The following SLC28A3 variants were observed in gnomAD, a reference collection of about 807,000 sequenced individuals.
SLC28A3 encodes solute carrier family 28 member 3, also known as concentrative Na(+)-nucleoside cotransporter 3.
In SLC28A3, 68 loss-of-function variants were observed where a neutral mutation model predicts 84.2. That is an observed-to-expected ratio of 0.81 (90% confidence interval 0.66 to 0.99). SLC28A3 has a LOEUF of 0.99. Ranked by LOEUF, SLC28A3 falls within the 50% of genes least tolerant of loss-of-function variation. SLC28A3 has a pLI of 0.00. For synonymous variants in SLC28A3, 267 were observed against 303.6 expected, an observed-to-expected ratio of 0.88 and a Z score of 1.25; for missense variants, 712 against 841.5, an observed-to-expected ratio of 0.85 and a Z score of 1.90.
At chr9:84,333,188 G>A (rs192727445) in intron 1 of SLC28A3, among the ~76,000 whole-genome samples, 4 of 152,266 alleles carry the variant, frequency 2.6e-5, no homozygotes, top group South Asian at 2.1e-4. Context: ...TAATACAGAC[G>A]AAATGGGGTA....
At position 84,336,667 on chromosome 9, in the gene SLC28A3, C is replaced by A. The variant is rs147180893; in HGVS notation, c.60+3907G>T. On this transcript the variant is annotated intron_variant, in intron 1 of 17. Transcript: ENST00000376238. ...CTCCAGCATGGGTGACAGAGTGAGA[C>A]CCTGTCTCAAAAAAAAAATCACAAT... 1.4e-3 allele frequency among the ~76,000 whole-genome samples: 206 copies of A among 152,036 alleles called. 2 individuals carry two copies. In the South Asian group the frequency reaches 0.015, roughly 11 times the overall value.
chr9:84,359,754 CT>C, the SLC28A3 span, among the ~76,000 whole-genome samples: 1 of 152,040 alleles, frequency 6.6e-6, no homozygotes, highest in Admixed American at 6.6e-5. Flanking sequence ...AATCCTAGAA[CT>C]TTGGGAGGCT....
intron 12 of SLC28A3, among the ~76,000 whole-genome samples, chr9:84,286,695 TA>T (rs1825004336): frequency 6.6e-6 from 1 of 152,138 alleles, no homozygotes; most frequent in South Asian, 2.1e-4. Context: ...GTATAAAAGC[TA>T]ATGATTCAAA....
chr9:84,356,349 T>C, the SLC28A3 span, among the ~76,000 whole-genome samples: 1 of 152,148 alleles, frequency 6.6e-6, no homozygotes, highest in Admixed American at 6.5e-5. Flanking sequence ...GGCTTCCTCA[T>C]GAACCTGAAA....
Position 84,278,553 on chromosome 9 carries a change from A to G in SLC28A3, c.1950-209T>C, listed in dbSNP as rs554349363. On this transcript the variant is annotated intron_variant, in intron 17 of 17. Transcript: ENST00000376238. Reference sequence around the variant, plus strand: ...CTCAAGAACTTTCCCTATTTCCTCCATAACAAGCAAAGATAGGATAGAATC... The same window carrying G: ...CTCAAGAACTTTCCCTATTTCCTCCGTAACAAGCAAAGATAGGATAGAATC... Among the ~76,000 whole-genome samples, 3 of 152,346 alleles carry G rather than the reference A, an allele frequency of 2.0e-5. No homozygotes were observed. The East Asian group carries it at 5.8e-4, about 29-fold the overall frequency.
the SLC28A3 span, among the ~76,000 whole-genome samples, chr9:84,367,571 T>C: frequency 6.6e-6 from 1 of 152,052 alleles, no homozygotes; most frequent in East Asian, 1.9e-4. Flanking sequence ...ACCCGCACAC[T>C]CAGCATGCGA....
the SLC28A3 span, among the ~76,000 whole-genome samples, chr9:84,348,275 A>G: frequency 1.3e-5 from 2 of 150,564 alleles, no homozygotes; most frequent in Non-Finnish European, 2.9e-5. Flanking sequence ...AATCACTTGA[A>G]CCTGGGAGGT....
At position 84,286,153 on chromosome 9, in the gene SLC28A3, T is replaced by A. The variant is rs369200311; in HGVS notation, c.1281-42A>T. The stretch of plus-strand genomic sequence containing the variant: ...CAATTCCAGAATTACCAAGGAGTTG[T>A]CAGGGGATGGACACCATTGGTGCAG... On this transcript the variant is annotated intron_variant, in intron 12 of 17. Coordinates refer to ENST00000376238, the MANE Select transcript of SLC28A3 (RefSeq NM_001199633.2). 5 of 1,590,650 alleles carry A rather than the reference T, an allele frequency of 3.1e-6. No individual in the cohort carries two copies. The African/African-American group carries it at 4.0e-5, about 13-fold the overall frequency.
intron 14 of SLC28A3, among the ~76,000 whole-genome samples, chr9:84,283,884 C>T (rs1236094071): frequency 2.0e-5 from 3 of 152,152 alleles, no homozygotes; most frequent in African/African-American, 7.2e-5. Context: ...ATTGCTGGGA[C>T]TCATCTGCAT....
chr9:84,340,541 A>T, intron 1 of SLC28A3, 33 bp downstream of exon 1: 1 of 1,611,898 alleles, frequency 6.2e-7, no homozygotes, highest in Non-Finnish European at 8.5e-7. Context: ...TTTCCACTGA[A>T]GGCCTTTAAC....
At chr9:84,362,140 G>A in the SLC28A3 span, among the ~76,000 whole-genome samples, 30 of 152,252 alleles carry the variant, frequency 2.0e-4, no homozygotes, top group African/African-American at 7.0e-4. Flanking sequence ...GAAGGTGAGT[G>A]AAAGTGGAAT....
chr9:84,345,722 T>C (rs1006040633), upstream of SLC28A3, among the ~76,000 whole-genome samples: 1 of 152,196 alleles, frequency 6.6e-6, no homozygotes, highest in African/African-American at 2.4e-5. Flanking sequence ...GTAAATTGTA[T>C]ATACAACCAT....
At chr9:84,294,479 C>T (rs1825345280) in intron 8 of SLC28A3, among the ~76,000 whole-genome samples, 2 of 152,186 alleles carry the variant, frequency 1.3e-5, no homozygotes, top group Admixed American at 1.3e-4. Context: ...TTTCCCCTGT[C>T]TTCTATGGTG....
chr9:84,352,246 T>C, the SLC28A3 span, among the ~76,000 whole-genome samples: 58,582 of 151,822 alleles, frequency 0.39, 15,968 homozygotes, highest in African/African-American at 0.77. Context: ...TGCAATGACG[T>C]GATCTTGGCT....
rs192022738 is a variant in SLC28A3 at position 84,321,877 on chromosome 9, C to T, written c.61-8423G>A. ...CCAGCCTGGCCAACATGGTGAAACCCGGTCTCTACTAAAAACACAAAAATT... is the reference window on the plus strand; with the variant it reads ...CCAGCCTGGCCAACATGGTGAAACCTGGTCTCTACTAAAAACACAAAAATT... On this transcript the variant is annotated intron_variant, in intron 1 of 17. Transcript: ENST00000376238. Among the ~76,000 whole-genome samples the T allele has an allele frequency of 6.6e-5, 10 of 152,032 alleles. No individual in the cohort carries two copies. In the East Asian group the frequency reaches 9.6e-4, roughly 15 times the overall value.
the SLC28A3 span, among the ~76,000 whole-genome samples, chr9:84,362,926 ATAAC>A: frequency 6.6e-6 from 1 of 152,156 alleles, no homozygotes; most frequent in Non-Finnish European, 1.5e-5. Flanking sequence ...TATAAATCTA[ATAAC>A]TAACATATTT....
chr9:84,318,131 C>G (rs17336552), intron 1 of SLC28A3, among the ~76,000 whole-genome samples: 2 of 152,056 alleles, frequency 1.3e-5, no homozygotes, highest in Admixed American at 1.3e-4. Flanking sequence ...CTTTCTGGCT[C>G]AAGTCTCGGG....
At chr9:84,359,383 G>C in the SLC28A3 span, among the ~76,000 whole-genome samples, 4 of 152,114 alleles carry the variant, frequency 2.6e-5, no homozygotes, top group Non-Finnish European at 4.4e-5. Context: ...GTTCATTGTA[G>C]TATTAATAAA....
At position 84,299,787 on chromosome 9, in the gene SLC28A3, A is replaced by C; in HGVS notation, c.525-62T>G. ...TTGTGCTAACTTGAGAATCATAATC[A>C]GGCTTAATTTTTTTTTTTTTTGAGA... On this transcript the variant is annotated intron_variant, in intron 5 of 17. Coordinates refer to ENST00000376238, the MANE Select transcript of SLC28A3 (RefSeq NM_001199633.2). 4 of 1,514,992 alleles carry C rather than the reference A, an allele frequency of 2.6e-6. No homozygotes were observed. The South Asian group carries it at 4.0e-5, about 15-fold the overall frequency. 93.8% of individuals were successfully genotyped at this position (1,514,992 alleles called of 1,614,324 possible).
Sources: gnomAD v4.1 joint callset for allele counts (sites outside exome capture counted in the v4.1 genomes callset) on GRCh38, gnomAD v4.1.1 for gene constraint, MANE v1.5 for transcripts, NCBI Gene and HGNC (gene_info 2026-07-23, HGNC 2026-07-21) for gene names.